The following RBFOX1 variants were observed in gnomAD, a reference collection of about 807,000 sequenced individuals.
RBFOX1 encodes the protein RNA binding fox-1 homolog 1, also known as RNA binding protein fox-1 homolog 1.
Under a neutral mutation model 57.7 loss-of-function variants are expected in RBFOX1, and 8 were observed. The observed-to-expected ratio is 0.14, with a 90% CI of 0.08 to 0.25. The LOEUF is 0.25. RBFOX1 is among the 10% of genes least tolerant of loss of function. The probability of loss-of-function intolerance (pLI) is 1.00; values close to 1 mark genes in which losing one functional copy is unlikely to be tolerated. For synonymous variants in RBFOX1, 326 were observed against 222.4 expected, an observed-to-expected ratio of 1.47 and a Z score of -4.15; for missense variants, 611 against 548.5, an observed-to-expected ratio of 1.11 and a Z score of -1.14.
Position 6,552,524 on chromosome 16 carries a change from C to T in RBFOX1, c.-63-102079C>T, listed in dbSNP as rs181909143. ...TGTTTGCCTGGTCTATGGTAATTGC[C>T]GAATAAATGTTACCTGTTATCCCAG... On this transcript the variant is annotated intron_variant, in intron 2 of 15. Coordinates refer to ENST00000550418, the MANE Select transcript of RBFOX1 (RefSeq NM_018723.4). Among the ~76,000 whole-genome samples, 4 of 152,044 alleles carry T rather than the reference C, an allele frequency of 2.6e-5. No homozygotes were observed. The East Asian group carries it at 5.8e-4, about 22-fold the overall frequency.
chr16:7,219,996 A>C (rs1488320616), intron 4 of RBFOX1, among the ~76,000 whole-genome samples: 1 of 152,196 alleles, frequency 6.6e-6, no homozygotes, highest in Non-Finnish European at 1.5e-5. Flanking sequence ...GTTTTTGTTA[A>C]TGTGGTGTAT....
At chr16:5,940,209 C>A (rs780745875) in intron 4 of RBFOX1, among the ~76,000 whole-genome samples, 6 of 152,180 alleles carry the variant, frequency 3.9e-5, no homozygotes, top group African/African-American at 9.7e-5. Flanking sequence ...CATTGAGAAA[C>A]CATCTCTAGT....
At chr16:7,263,617 G>A (rs1004259540) in intron 4 of RBFOX1, among the ~76,000 whole-genome samples, 7 of 152,072 alleles carry the variant, frequency 4.6e-5, no homozygotes, top group Admixed American at 2.6e-4. Context: ...GTAGAAAGAG[G>A]CTGGGAACGG....
At chr16:5,713,840 T>A (rs1022727295) in intron 3 of RBFOX1, among the ~76,000 whole-genome samples, 1 of 152,106 alleles carries the variant, frequency 6.6e-6, no homozygotes, top group African/African-American at 2.4e-5. Context: ...GACAGTGAAG[T>A]ACAAAGACTC....
intron 2 of RBFOX1, among the ~76,000 whole-genome samples, chr16:5,561,933 C>G (rs760689606): frequency 5.3e-5 from 8 of 152,168 alleles, no homozygotes; most frequent in African/African-American, 9.6e-5. Flanking sequence ...ATAATTCTTT[C>G]GAGGGCCTCT....
At chr16:5,839,730 CA>C (rs1285995539) in intron 3 of RBFOX1, among the ~76,000 whole-genome samples, 1 of 123,592 alleles carries the variant, frequency 8.1e-6, no homozygotes, top group Non-Finnish European at 1.8e-5. Flanking sequence ...AGATGGCTGC[CA>C]TTGCTCCAGG....
Position 5,536,386 on chromosome 16 carries a change from C to T in RBFOX1, c.259-62516C>T, listed in dbSNP as rs569857184. 7.5e-4 allele frequency among the ~76,000 whole-genome samples: 114 copies of T among 152,046 alleles called. 1 individual carries two copies. Among genetic ancestry groups the T allele is most frequent in the Non-Finnish European group, 1.4e-3 (98 of 67,988 alleles). ...AGTAGCTGGGATTACAGGTGCCCGC[C>T]ACCATGCCCGGCTAATTTTTGCATT... On this transcript the variant is annotated intron_variant, in intron 2 of 2. Transcript: ENST00000585867.
At chr16:6,609,993 G>A (rs994878347) in intron 2 of RBFOX1, among the ~76,000 whole-genome samples, 6 of 147,174 alleles carry the variant, frequency 4.1e-5, no homozygotes, top group Non-Finnish European at 7.4e-5. Context: ...TGGCAGTAGT[G>A]TGAGGCTCTG....
intron 1 of RBFOX1, among the ~76,000 whole-genome samples, chr16:6,249,668 T>C (rs1213840447): frequency 6.6e-6 from 1 of 152,016 alleles, no homozygotes; most frequent in African/African-American, 2.4e-5. Context: ...AGGTGAGATC[T>C]AGCCAGGGCA....
rs1200442382 is a variant in RBFOX1 at position 7,291,920 on chromosome 16, TATA to T, written c.28-226224_28-226222del. Among the ~76,000 whole-genome samples, 8 of 144,438 alleles carry T rather than the reference TATA, an allele frequency of 5.5e-5. No homozygotes were observed. In the East Asian group the frequency reaches 1.6e-3, roughly 28 times the overall value. The allele number at this position is 144,438 out of a possible 152,430, so 94.8% of individuals were successfully genotyped here. A position where few individuals can be genotyped will look rare whatever the true frequency, so the allele number is the denominator to read the frequency against. ...ACTATATAATGTATTATATATAATA[TATA>T]ATGTATTTTATATATTATATATTAT... is the stretch of plus-strand genomic sequence containing the variant. On this transcript the variant is annotated intron_variant, in intron 4 of 15. Transcript: ENST00000550418.
At chr16:7,163,173 A>C (rs576490909) in intron 4 of RBFOX1, among the ~76,000 whole-genome samples, 1 of 152,030 alleles carries the variant, frequency 6.6e-6, no homozygotes. Context: ...ATATTGGCCA[A>C]CTGAGATTTG....
intron 2 of RBFOX1, among the ~76,000 whole-genome samples, chr16:6,609,332 T>C (rs2098001935): frequency 6.6e-6 from 1 of 152,072 alleles, no homozygotes; most frequent in African/African-American, 2.4e-5. Context: ...GAAAATGATT[T>C]TCTTTTTTCT....
chr16:7,216,015 G>A lies in RBFOX1; in HGVS notation c.27+163917G>A, dbSNP rs553063654. 2.2e-4 allele frequency among the ~76,000 whole-genome samples: 34 copies of A among 152,180 alleles called. No individual in the cohort carries two copies. The South Asian group carries it at 3.3e-3, about 15-fold the overall frequency. On this transcript the variant is annotated intron_variant, in intron 4 of 15. Coordinates refer to ENST00000550418, the MANE Select transcript of RBFOX1 (RefSeq NM_018723.4). Reference sequence around the variant, plus strand: ...TGAGATTACAGGCGTGAGCCACCGCGCCCAGCCTGGATGTTTTATATCACT... The same window carrying A: ...TGAGATTACAGGCGTGAGCCACCGCACCCAGCCTGGATGTTTTATATCACT...
At chr16:6,218,854 A>G (rs1237407452) in intron 1 of RBFOX1, among the ~76,000 whole-genome samples, 1 of 15,756 alleles carries the variant, frequency 6.3e-5, no homozygotes, top group Non-Finnish European at 3.4e-3. Context: ...TTGAAGCCAG[A>G]AAAAAAAAAA....
chr16:6,840,879 C>G (rs116804227), intron 3 of RBFOX1, among the ~76,000 whole-genome samples: 5,560 of 98,126 alleles, frequency 0.057, 264 homozygotes, highest in Admixed American at 0.18. Flanking sequence ...GAAAGTGAGA[C>G]TCTGTCTCAA....
rs147173929 is a variant in RBFOX1 at position 5,830,212 on chromosome 16, A to C, written c.319-37091A>C. ...TTTTGTTAGAGACCATTTGCCCCGC[A>C]GTTGGGCAGAATTAGGAAAACCCTC... On this transcript the variant is annotated intron_variant, in intron 3 of 19. Coordinates refer to the RBFOX1 transcript ENST00000641259. Among the ~76,000 whole-genome samples the C allele has an allele frequency of 3.6e-3, 543 of 152,172 alleles. 5 individuals are homozygous for C. Among genetic ancestry groups the C allele is most frequent in the African/African-American group, 0.012 (511 of 41,536 alleles).
intron 2 of RBFOX1, among the ~76,000 whole-genome samples, chr16:6,595,797 T>A (rs55725179): frequency 3.1e-3 from 479 of 152,322 alleles, no homozygotes; most frequent in Non-Finnish European, 5.3e-3. Flanking sequence ...TGCATTTCCC[T>A]AATGATTACT....
At chr16:7,172,907 A>G (rs957740470) in intron 4 of RBFOX1, among the ~76,000 whole-genome samples, 23 of 152,218 alleles carry the variant, frequency 1.5e-4, no homozygotes, top group African/African-American at 5.5e-4. Context: ...ATTCCCAAGG[A>G]AGAGACTTGA....
At chr16:5,859,054 A>T (rs531258126) in intron 3 of RBFOX1, among the ~76,000 whole-genome samples, 4 of 152,230 alleles carry the variant, frequency 2.6e-5, no homozygotes, top group Admixed American at 6.5e-5. Context: ...AAAATACAGA[A>T]ATTAGCCAGG....
Sources: allele counts gnomAD v4.1 joint callset (sites outside exome capture counted in the v4.1 genomes callset), GRCh38; gene constraint gnomAD v4.1.1; transcripts MANE v1.5; gene names NCBI Gene and HGNC (gene_info 2026-07-23, HGNC 2026-07-21).